The following PHACTR1 variants were observed in gnomAD, a reference collection of about 807,000 sequenced individuals.
PHACTR1 encodes phosphatase and actin regulator 1.
A neutral mutation model predicts 69.2 loss-of-function variants in PHACTR1; 16 were observed. That is an observed-to-expected ratio of 0.23 (90% confidence interval 0.16 to 0.35). The LOEUF is 0.35. PHACTR1 is among the 10% of genes least tolerant of loss of function. The probability of loss-of-function intolerance (pLI) is 1.00; values close to 1 mark genes in which losing one functional copy is unlikely to be tolerated. For missense variants in PHACTR1, 510 were observed against 734.7 expected, an observed-to-expected ratio of 0.69 and a Z score of 3.54; for synonymous variants, 312 against 284.5, an observed-to-expected ratio of 1.10 and a Z score of -0.97.
chr6:13,257,459 C>G lies in PHACTR1; in HGVS notation c.1392-15401C>G, dbSNP rs371372014. 2.9e-4 allele frequency among the ~76,000 whole-genome samples: 44 copies of G among 152,310 alleles called. No homozygotes were observed. The East Asian group carries it at 4.8e-3, about 17-fold the overall frequency. ...ATCATCTTTCTAATTCCCACCCATC[C>G]AGCACCTTATCTGGAAAACGTTCAT... On this transcript the variant is annotated intron_variant, in intron 10 of 14. Transcript: ENST00000332995.
intron 4 of PHACTR1, among the ~76,000 whole-genome samples, chr6:12,860,774 C>T (rs1435906961): frequency 6.6e-6 from 1 of 152,058 alleles, no homozygotes; most frequent in Non-Finnish European, 1.5e-5. Context: ...TTCATATGTT[C>T]GTTGGCCACA....
chr6:13,030,721 G>T (rs759588708), intron 4 of PHACTR1, among the ~76,000 whole-genome samples: 23 of 152,224 alleles, frequency 1.5e-4, no homozygotes, highest in Non-Finnish European at 3.4e-4. Flanking sequence ...AATAGTTTCT[G>T]TTCTACACCT....
chr6:12,962,290 C>A (rs1402872069), intron 4 of PHACTR1, among the ~76,000 whole-genome samples: 2 of 152,078 alleles, frequency 1.3e-5, no homozygotes, highest in Non-Finnish European at 2.9e-5. Flanking sequence ...CCCCATTTAA[C>A]CTTAATCATC....
chr6:12,789,768 T>A (rs994709710), intron 4 of PHACTR1, among the ~76,000 whole-genome samples: 20 of 151,636 alleles, frequency 1.3e-4, no homozygotes, highest in African/African-American at 3.9e-4. Flanking sequence ...ATTTTTTATT[T>A]TTTTATTTTA....
chr6:12,779,149 A>C (rs895069758), intron 4 of PHACTR1, among the ~76,000 whole-genome samples: 17 of 152,174 alleles, frequency 1.1e-4, no homozygotes, highest in African/African-American at 4.1e-4. Flanking sequence ...CAGCCTGACC[A>C]ACATGGAGAA....
At chr6:12,859,470 C>A (rs1780726630) in intron 4 of PHACTR1, among the ~76,000 whole-genome samples, 1 of 152,138 alleles carries the variant, frequency 6.6e-6, no homozygotes. Context: ...ATGTCTCAAG[C>A]ATATTTCATG....
At chr6:13,075,862 A>G (rs1810377226) in intron 5 of PHACTR1, among the ~76,000 whole-genome samples, 1 of 152,152 alleles carries the variant, frequency 6.6e-6, no homozygotes, top group African/African-American at 2.4e-5. Flanking sequence ...GCAAGCTTGG[A>G]AAACAAAATA....
chr6:12,730,989 TA>T (rs1554129529), intron 3 of PHACTR1, among the ~76,000 whole-genome samples: 1 of 113,632 alleles, frequency 8.8e-6, no homozygotes, highest in African/African-American at 3.5e-5. Context: ...TTACCTTTTT[TA>T]TTTATTTATT....
chr6:13,249,894 C>A (rs190892284), intron 10 of PHACTR1, among the ~76,000 whole-genome samples: 1 of 152,096 alleles, frequency 6.6e-6, no homozygotes, highest in East Asian at 1.9e-4. Context: ...AAGTTATGAC[C>A]ATTTATGTGG....
chr6:13,072,911 G>C (rs1344665176), intron 5 of PHACTR1, among the ~76,000 whole-genome samples: 1 of 152,138 alleles, frequency 6.6e-6, no homozygotes, highest in Admixed American at 6.5e-5. Flanking sequence ...TGAAGTTAAG[G>C]TGGTTAGTGA....
Position 13,245,678 on chromosome 6 carries a change from A to G in PHACTR1, c.1391+15485A>G, listed in dbSNP as rs1180628024. Reference sequence around the variant, plus strand: ...TGGTTTAATTAGGTGCCATTTGTCAATTTTTTTTTTCGTTGCAATTGCTTT... The same window carrying G: ...TGGTTTAATTAGGTGCCATTTGTCAGTTTTTTTTTTCGTTGCAATTGCTTT... On this transcript the variant is annotated intron_variant, in intron 10 of 14. Coordinates refer to ENST00000332995, the MANE Select transcript of PHACTR1 (RefSeq NM_030948.6). This position sits in a 1 kb window ranked among gnomAD's most constrained non-coding sequence, Gnocchi z 4.1. Among the ~76,000 whole-genome samples the G allele has an allele frequency of 1.3e-5, 2 of 148,718 alleles. No individual in the cohort carries two copies. The highest frequency in any genetic ancestry group is 2.0e-4 in the East Asian group (1 of 5,080).
At chr6:12,873,134 C>A (rs142588016) in intron 4 of PHACTR1, among the ~76,000 whole-genome samples, 148 of 152,172 alleles carry the variant, frequency 9.7e-4, no homozygotes, top group Middle Eastern at 3.4e-3. Flanking sequence ...ACCTCAGCAT[C>A]CTGAGTAGCT....
intron 4 of PHACTR1, among the ~76,000 whole-genome samples, chr6:12,903,838 T>C (rs1370109254): frequency 6.6e-6 from 1 of 152,212 alleles, no homozygotes; most frequent in Non-Finnish European, 1.5e-5. Context: ...TCCTAAACCA[T>C]TCTAAATGGG....
At chr6:12,957,255 CAA>C (rs35500368) in intron 4 of PHACTR1, 10,588 of 268,380 alleles carry the variant, frequency 0.039, 136 homozygotes, top group African/African-American at 0.13. Context: ...AACAAATACT[CAA>C]AAAAAAAAAA....
chr6:13,284,543 A>AAAAAATAT (rs1554187813), intron 13 of PHACTR1, among the ~76,000 whole-genome samples: 5 of 61,364 alleles, frequency 8.1e-5, no homozygotes, highest in Admixed American at 4.4e-4. Context: ...AAAAAAAAAA[A>AAAAAATAT]ATATATATAT....
At chr6:12,827,926 T>C (rs906536668) in intron 4 of PHACTR1, among the ~76,000 whole-genome samples, 12 of 152,204 alleles carry the variant, frequency 7.9e-5, no homozygotes, top group African/African-American at 2.7e-4. Context: ...GGATAAATTA[T>C]GGCTTGTTGG....
In PHACTR1 at chr6:12,745,966, G is replaced by A. The variant is rs145652288; in HGVS notation, c.104-3678G>A. ...TTCCACTGATGTCATGCAGCCAGAT[G>A]TTTTATGAAAAGAGGTCATGAATAT... On this transcript the variant is annotated intron_variant, in intron 3 of 14. Coordinates refer to ENST00000332995, the MANE Select transcript of PHACTR1 (RefSeq NM_030948.6). Among the ~76,000 whole-genome samples the A allele has an allele frequency of 1.3e-3, 196 of 152,284 alleles. 4 individuals are homozygous for A. In the East Asian group the frequency reaches 0.034, roughly 26 times the overall value.
chr6:13,150,532 T>C (rs1424933440), intron 5 of PHACTR1, among the ~76,000 whole-genome samples: 3 of 152,206 alleles, frequency 2.0e-5, no homozygotes, highest in African/African-American at 7.2e-5. Flanking sequence ...AAATTGCCTC[T>C]AGATTAATAT....
At chr6:12,961,483 T>C (rs554816195) in intron 4 of PHACTR1, among the ~76,000 whole-genome samples, 1 of 152,190 alleles carries the variant, frequency 6.6e-6, no homozygotes, top group Non-Finnish European at 1.5e-5. Context: ...AAATAATTCC[T>C]ACCCTACTGT....
Sources: allele counts gnomAD v4.1 joint callset (sites outside exome capture counted in the v4.1 genomes callset), GRCh38; gene constraint gnomAD v4.1.1; non-coding constraint Gnocchi (gnomAD v3.1); transcripts MANE v1.5; gene names NCBI Gene and HGNC (gene_info 2026-07-23, HGNC 2026-07-21).